Variants in USP5 observed in about 807,000 individuals in gnomAD.
USP5 encodes the protein ubiquitin carboxyl-terminal hydrolase 5.
Under a neutral mutation model 102.5 loss-of-function variants are expected in USP5, and 24 were observed. The observed-to-expected ratio is 0.23, with a 90% CI of 0.17 to 0.33. The LOEUF (loss-of-function observed/expected upper bound fraction) is 0.33. Among genes scored for constraint, USP5 ranks in the 10% least tolerant of loss-of-function variants. The pLI is 1.00. For synonymous variants in USP5, 460 were observed against 434.8 expected (o/e 1.06, Z -0.72); for missense variants, 753 against 1,122.1 (o/e 0.67, Z 4.70).
chr12:6,860,133 T>C lies in USP5; in HGVS notation c.1131-18T>C, dbSNP rs782136032. On this transcript the variant is annotated intron_variant, in intron 9 of 19. Transcript: ENST00000229268. This position sits in a 1 kb window ranked among gnomAD's most constrained non-coding sequence, Gnocchi z 5.5. ...GTTAGTTGACTGAAGTGAAATGTTT[T>C]CTTGGATATTAATGCAGGGCCAAGC... 1.2e-6 allele frequency: 2 copies of C among 1,607,822 alleles called. No individual in the cohort carries two copies. The highest frequency in any genetic ancestry group is 1.1e-5 in the South Asian group (1 of 90,068).
chr12:6,857,311 G>A (rs1240663838), intron 6 of USP5: 3 of 347,724 alleles, frequency 8.6e-6, no homozygotes, highest in South Asian at 4.3e-5. Flanking sequence ...AAATACTGCA[G>A]ATGAGACTAA....
intron 6 of USP5, 194 bp from the exon 7 acceptor site, chr12:6,857,435 A>C (rs781377454): frequency 4.1e-5 from 22 of 531,474 alleles, no homozygotes; most frequent in Non-Finnish European, 7.0e-5. Flanking sequence ...ACCCGGTTTC[A>C]TCTGTCTTCC....
At chr12:6,859,641 C>A (rs1858057949) in intron 9 of USP5, 100 bp downstream of exon 9, 11 of 1,225,850 alleles carry the variant, frequency 9.0e-6, no homozygotes, top group Non-Finnish European at 1.3e-5. Context: ...TAACCCCTGG[C>A]CTTTTTTTGT....
Position 6,861,115 on chromosome 12 carries a change from C to G in USP5, c.1498+9C>G. ...TGCAGCCCTTAACAAAGGTAGGCTGCTCCATCAGCAAGGCCGTGGCACGGT... is the reference window on the plus strand; with the variant it reads ...TGCAGCCCTTAACAAAGGTAGGCTGGTCCATCAGCAAGGCCGTGGCACGGT... On this transcript the variant is annotated intron_variant, in intron 12 of 19. Transcript: ENST00000229268. The surrounding 1 kb of genome is among the most constrained non-coding windows in gnomAD (Gnocchi z 4.9). 1 of 1,613,774 alleles carries G rather than the reference C, an allele frequency of 6.2e-7. No individual in the cohort carries two copies. The highest frequency in any genetic ancestry group is 1.3e-5 in the African/African-American group (1 of 75,020).
At chr12:6,852,787 C>T (rs782056096) in intron 1 of USP5, among the ~76,000 whole-genome samples, 1 of 152,160 alleles carries the variant, frequency 6.6e-6, no homozygotes, top group Non-Finnish European at 1.5e-5. Context: ...AAGTCCGATT[C>T]TGAGAAAGGC....
In USP5 at chr12:6,860,417, G is replaced by A; in HGVS notation, c.1270G>A (p.Gly424Ser). ...GATGTTCAAGGCCCTCATCGGCAAGGGCCACCCTGAATTCTCCACCAACCG... is the reference window on the plus strand; with the variant it reads ...GATGTTCAAGGCCCTCATCGGCAAGAGCCACCCTGAATTCTCCACCAACCG... ...PRMFKALIGK[G>S]HPEFSTNRQQ... is the part of the protein sequence containing the mutation. Residue 424 changes from glycine to serine, a missense_variant, in exon 11 of 20, where the codon GGC (glycine) becomes AGC (serine). By Grantham distance (56) the Gly-to-Ser change is moderately conservative. Around this residue, in one of 3 missense-constraint regions of USP5, gnomAD observed 527 missense variants for 816.5 expected, o/e 0.65. Transcript: ENST00000229268. The surrounding 1 kb of genome is among the most constrained non-coding windows in gnomAD (Gnocchi z 5.5). 1 of 1,614,106 alleles carries A rather than the reference G, an allele frequency of 6.2e-7. No individual in the cohort carries two copies. The highest frequency in any genetic ancestry group is 8.5e-7 in the Non-Finnish European group (1 of 1,180,032).
rs1185843645 is a variant in USP5, at chr12:6,863,415, C to T, written c.1954+38C>T. 4 of 1,590,372 alleles carry T rather than the reference C, an allele frequency of 2.5e-6. No individual in the cohort carries two copies. The highest frequency in any genetic ancestry group is 3.4e-6 in the Non-Finnish European group (4 of 1,164,960). On this transcript the variant is annotated intron_variant, in intron 15 of 19. Coordinates refer to ENST00000229268, the MANE Select transcript of USP5 (RefSeq NM_001098536.2). The surrounding 1 kb of genome is among the most constrained non-coding windows in gnomAD (Gnocchi z 4.7). ...TCTTCCTGCCTGTCTCTCTCCCGTG[C>T]TGATGGGGGCCTCTCTGCCTTGCAT... is the stretch of plus-strand genomic sequence containing the variant.
At chr12:6,862,837 C>T (rs1164495557) in intron 14 of USP5, among the ~76,000 whole-genome samples, 2 of 152,158 alleles carry the variant, frequency 1.3e-5, no homozygotes, top group African/African-American at 4.8e-5. Context: ...AATTAATTCT[C>T]GTGAGTCTTA....
At position 6,861,516 on chromosome 12, in the gene USP5, G is replaced by C; in HGVS notation, c.1572G>C (p.Arg524=). 1.2e-6 allele frequency: 2 copies of C among 1,602,108 alleles called. No homozygotes were observed. The highest frequency in any genetic ancestry group is 2.2e-5 in the East Asian group (1 of 44,506). The change falls in exon 13 of 20, where the codon CGG becomes CGC. Residue 524 remains arginine (R), a synonymous_variant. Transcript: ENST00000229268. This position sits in a 1 kb window ranked among gnomAD's most constrained non-coding sequence, Gnocchi z 4.9. ...AGATGGCACTGCCAGAACTGGTTCG[G>C]GCCCAGGTGCCCTTCAGCTCTTGCC... is the stretch of plus-strand genomic sequence containing the variant. ...EEKMALPELV[R]AQVPFSSCLE...
rs1377735141 is a variant in USP5, at chr12:6,864,307, T to A, written c.2244+112T>A. 3.5e-6 allele frequency: 5 copies of A among 1,413,964 alleles called. No individual in the cohort carries two copies. Among genetic ancestry groups the A allele is most frequent in the Non-Finnish European group, 4.6e-6 (5 of 1,075,332 alleles). 87.6% of individuals were successfully genotyped at this position (1,413,964 alleles called of 1,614,324 possible). ...GACAACAGGTGTGGTCTGGCCGAGG[T>A]TGGGCACCACTCTTTTGTGGCTGCG... On this transcript the variant is annotated intron_variant, in intron 17 of 19. Coordinates refer to ENST00000229268, the MANE Select transcript of USP5 (RefSeq NM_001098536.2). This position sits in a 1 kb window ranked among gnomAD's most constrained non-coding sequence, Gnocchi z 4.8.
chr12:6,859,945 G>A lies in USP5; in HGVS notation c.1131-206G>A, dbSNP rs150199223. 3.0e-3 allele frequency among the ~76,000 whole-genome samples: 457 copies of A among 152,284 alleles called. 5 individuals are homozygous for A. The highest frequency in any genetic ancestry group is 0.011 in the African/African-American group (441 of 41,558). ...GCTGGGATTACAGGCGTGAGCCACC[G>A]TGCACGGCCACCACTGGCCTATTAG... On this transcript the variant is annotated intron_variant, in intron 9 of 19. Transcript: ENST00000229268.
chr12:6,864,243 G>A lies in USP5; in HGVS notation c.2244+48G>A. 2 of 1,535,254 alleles carry A rather than the reference G, an allele frequency of 1.3e-6. No homozygotes were observed. Among genetic ancestry groups the A allele is most frequent in the Non-Finnish European group, 1.8e-6 (2 of 1,141,152 alleles). The stretch of plus-strand genomic sequence containing the variant: ...ACATGGGGCCAGTGGGGAAGAAGGG[G>A]GTGGGAATGAGGGGCCATCCTTCTT... On this transcript the variant is annotated intron_variant, in intron 17 of 19. Transcript: ENST00000229268. This position sits in a 1 kb window ranked among gnomAD's most constrained non-coding sequence, Gnocchi z 4.8.
In USP5 at chr12:6,861,713, G is replaced by A. The variant is rs1944283653; in HGVS notation, c.1673+96G>A. Reference sequence around the variant, plus strand: ...TTCCCTGTTCTTTCATCCCTTTGTGGTTGGAACCTCAGGGTTGAATCAGTT... The same window carrying A: ...TTCCCTGTTCTTTCATCCCTTTGTGATTGGAACCTCAGGGTTGAATCAGTT... On this transcript the variant is annotated intron_variant, in intron 13 of 19. Coordinates refer to ENST00000229268, the MANE Select transcript of USP5 (RefSeq NM_001098536.2). The surrounding 1 kb of genome is among the most constrained non-coding windows in gnomAD (Gnocchi z 4.9). 1.5e-6 allele frequency: 2 copies of A among 1,316,098 alleles called. No individual in the cohort carries two copies. Among genetic ancestry groups the A allele is most frequent in the Admixed American group, 3.2e-5 (1 of 31,340 alleles). The allele number at this position is 1,316,098 out of a possible 1,614,324, so 81.5% of individuals were successfully genotyped here.
intron 1 of USP5, among the ~76,000 whole-genome samples, chr12:6,852,697 C>A (rs1321971755): frequency 2.0e-5 from 3 of 152,212 alleles, no homozygotes; most frequent in African/African-American, 7.2e-5. Context: ...CGACTCCCCA[C>A]TGTTCTCGGC....
At chr12:6,859,799 C>T (rs1246175927) in intron 9 of USP5, among the ~76,000 whole-genome samples, 1 of 152,184 alleles carries the variant, frequency 6.6e-6, no homozygotes, top group African/African-American at 2.4e-5. Flanking sequence ...ACTACAGGCA[C>T]ATGCCACCAC....
chr12:6,855,592 C>G lies in USP5; in HGVS notation c.237+66C>G. 1 of 1,593,696 alleles carries G rather than the reference C, an allele frequency of 6.3e-7. No homozygotes were observed. Among genetic ancestry groups the G allele is most frequent in the Non-Finnish European group, 8.5e-7 (1 of 1,171,028 alleles). ...TTCCATTCTGACCTCCTATTGGACT[C>G]AGTTTCTTTTTTTCACCTACTTTTG... On this transcript the variant is annotated intron_variant, in intron 2 of 19. Transcript: ENST00000229268. The surrounding 1 kb of genome is among the most constrained non-coding windows in gnomAD (Gnocchi z 4.6).
At position 6,855,052 on chromosome 12, in the gene USP5, A is replaced by T. The variant is rs1215972074; in HGVS notation, c.112-349A>T. On this transcript the variant is annotated intron_variant, in intron 1 of 19. Transcript: ENST00000229268. The surrounding 1 kb of genome is among the most constrained non-coding windows in gnomAD (Gnocchi z 4.6). ...TCTGGATCTGTTAGCCCCAGGATAG[A>T]GGTGAAGGAAGTCCTCTGTGATTGA... Among the ~76,000 whole-genome samples the T allele has an allele frequency of 1.3e-5, 2 of 152,120 alleles. No individual in the cohort carries two copies. Among genetic ancestry groups the T allele is most frequent in the Admixed American group, 6.6e-5 (1 of 15,266 alleles).
chr12:6,860,806 T>A lies in USP5; in HGVS notation c.1345-147T>A. The A allele has an allele frequency of 8.1e-7, 1 of 1,234,212 alleles. No individual in the cohort carries two copies. Among genetic ancestry groups the A allele is most frequent in the East Asian group, 2.3e-5 (1 of 42,832 alleles). 76.5% of individuals were successfully genotyped at this position (1,234,212 alleles called of 1,614,324 possible). On this transcript the variant is annotated intron_variant, in intron 11 of 19. Transcript: ENST00000229268. This position sits in a 1 kb window ranked among gnomAD's most constrained non-coding sequence, Gnocchi z 5.5. The stretch of plus-strand genomic sequence containing the variant: ...GGGGCCAGAAATGGGGAGGGGTTGG[T>A]GAATTAGGGAAGGTTTCTGCTCTGC...
In USP5 at chr12:6,856,696, C is replaced by T; in HGVS notation, c.585-11C>T. Reference sequence around the variant, plus strand: ...CCCACATTTCTGCTGATTCTCTTCTCTGTGGGTTAGTGGCTGGAAGTGCTC... The same window carrying T: ...CCCACATTTCTGCTGATTCTCTTCTTTGTGGGTTAGTGGCTGGAAGTGCTC... On this transcript the variant is annotated splice_polypyrimidine_tract_variant and intron_variant, in intron 5 of 19. Coordinates refer to ENST00000229268, the MANE Select transcript of USP5 (RefSeq NM_001098536.2). This position sits in a 1 kb window ranked among gnomAD's most constrained non-coding sequence, Gnocchi z 5.6. 1.2e-6 allele frequency: 2 copies of T among 1,613,712 alleles called. No homozygotes were observed. Among genetic ancestry groups the T allele is most frequent in the Non-Finnish European group, 1.7e-6 (2 of 1,179,912 alleles).
Sources: allele counts gnomAD v4.1 joint callset (sites outside exome capture counted in the v4.1 genomes callset), GRCh38; gene constraint gnomAD v4.1.1; regional missense constraint gnomAD v4.1.1; non-coding constraint Gnocchi (gnomAD v3.1); transcripts MANE v1.5; gene names NCBI Gene and HGNC (gene_info 2026-07-23, HGNC 2026-07-21).